The following ADGRL3 variants were observed in gnomAD, a reference collection of about 807,000 sequenced individuals.
ADGRL3 encodes calcium-independent alpha-latrotoxin receptor 3.
Under a neutral mutation model 153.5 loss-of-function variants are expected in ADGRL3, and 62 were observed. The observed-to-expected ratio is 0.40, with a 90% CI of 0.33 to 0.50. The LOEUF (loss-of-function observed/expected upper bound fraction) is 0.50. Among genes scored for constraint, ADGRL3 ranks in the 20% least tolerant of loss-of-function variants. ADGRL3 has a pLI of 0.47. For synonymous variants in ADGRL3, 710 were observed against 672.5 expected (o/e 1.06, Z -0.86); for missense variants, 1,641 against 1,859.4 (o/e 0.88, Z 2.16).
intron 1 of ADGRL3, among the ~76,000 whole-genome samples, chr4:61,280,268 C>T (rs1257738416): frequency 2.6e-5 from 4 of 151,656 alleles, no homozygotes; most frequent in African/African-American, 7.3e-5. Flanking sequence ...CGCCACCATG[C>T]CTGGCTAATT....
chr4:61,291,075 T>C (rs2094159950), intron 1 of ADGRL3, among the ~76,000 whole-genome samples: 2 of 151,950 alleles, frequency 1.3e-5, no homozygotes, highest in African/African-American at 4.8e-5. Flanking sequence ...TATGCCATTA[T>C]GGTTCCTTAT....
chr4:61,876,962 G>A (rs1046708566), intron 9 of ADGRL3, among the ~76,000 whole-genome samples: 2 of 150,966 alleles, frequency 1.3e-5, no homozygotes, highest in African/African-American at 4.9e-5. Context: ...GATGAGAAGG[G>A]ACCTTTTAAG....
intron 2 of ADGRL3, among the ~76,000 whole-genome samples, chr4:61,401,459 C>A (rs1006631111): frequency 6.6e-6 from 1 of 151,836 alleles, no homozygotes; most frequent in East Asian, 1.9e-4. Context: ...AAAACAAATA[C>A]GTTTCACACA....
chr4:61,805,216 A>G (rs1400224232), intron 8 of ADGRL3, among the ~76,000 whole-genome samples: 1 of 152,092 alleles, frequency 6.6e-6, no homozygotes, highest in Admixed American at 6.6e-5. Flanking sequence ...TGCTGGGATT[A>G]CAGGCATGAG....
chr4:61,237,464 G>A (rs984483743), intron 1 of ADGRL3, among the ~76,000 whole-genome samples: 20 of 152,112 alleles, frequency 1.3e-4, no homozygotes, highest in African/African-American at 4.3e-4. Flanking sequence ...TGACAGAAGA[G>A]ATCATCACAA....
intron 5 of ADGRL3, among the ~76,000 whole-genome samples, chr4:61,651,806 C>T (rs566002260): frequency 1.2e-3 from 179 of 143,732 alleles, no homozygotes; most frequent in African/African-American, 2.5e-3. Context: ...TTAGTAGAGA[C>T]GGGGTTTCAC....
chr4:61,328,170 T>C (rs776680817), intron 1 of ADGRL3, among the ~76,000 whole-genome samples: 11 of 152,152 alleles, frequency 7.2e-5, no homozygotes, highest in Non-Finnish European at 1.3e-4. Context: ...ATAACAGGCA[T>C]ACACTGTGAC....
chr4:61,780,547 C>T lies in ADGRL3; in HGVS notation c.1400-33262C>T, dbSNP rs527343000. ...CTTAAGGCAAAGGTTATGTTTCATA[C>T]TCAAAAATAGGAACAGGTAGAACTT... is the stretch of plus-strand genomic sequence containing the variant. On this transcript the variant is annotated intron_variant, in intron 8 of 26. Transcript: ENST00000683033. 7.9e-5 allele frequency among the ~76,000 whole-genome samples: 12 copies of T among 152,298 alleles called. No individual in the cohort carries two copies. The South Asian group carries it at 1.9e-3, about 24-fold the overall frequency.
intron 3 of ADGRL3, among the ~76,000 whole-genome samples, chr4:61,515,216 CA>C (rs1178529815): frequency 1.3e-5 from 2 of 152,080 alleles, no homozygotes; most frequent in Non-Finnish European, 2.9e-5. Context: ...TCAAACACAC[CA>C]AGGGATTTTA....
At chr4:61,616,061 G>A (rs2091967660) in intron 5 of ADGRL3, among the ~76,000 whole-genome samples, 1 of 152,134 alleles carries the variant, frequency 6.6e-6, no homozygotes, top group African/African-American at 2.4e-5. Context: ...TGAACATTAT[G>A]AGGAAATTAG....
In ADGRL3 at chr4:61,726,210, G is replaced by GTTTTTTTTTTTTTTTTTGTTTTT. The variant is rs149472429; in HGVS notation, c.584-4406_584-4405insTTTTTTTTTTTGTTTTTTTTTTT. 1.4e-3 allele frequency among the ~76,000 whole-genome samples: 160 copies of GTTTTTTTTTTTTTTTTTGTTTTT among 118,510 alleles called. 12 individuals are homozygous for GTTTTTTTTTTTTTTTTTGTTTTT. The highest frequency in any genetic ancestry group is 2.2e-3 in the Non-Finnish European group (126 of 58,130). 77.7% of individuals were successfully genotyped at this position (118,510 alleles called of 152,430 possible). On this transcript the variant is annotated intron_variant, in intron 6 of 26. Coordinates refer to ENST00000683033, the MANE Select transcript of ADGRL3 (RefSeq NM_001387552.1). ...AATACTCACTGGAACTTTTTTTTTT[G>GTTTTTTTTTTTTTTTTTGTTTTT]TTTTTTGAGAAGGAGTCTCACCCTG... is the stretch of plus-strand genomic sequence containing the variant.
chr4:61,771,004 T>C (rs1034228663), intron 8 of ADGRL3, among the ~76,000 whole-genome samples: 1 of 152,164 alleles, frequency 6.6e-6, no homozygotes, highest in Non-Finnish European at 1.5e-5. Context: ...GCAGAATTTA[T>C]TAAGCAAAAG....
chr4:61,499,845 A>T (rs1001888147), intron 3 of ADGRL3, among the ~76,000 whole-genome samples: 3 of 152,196 alleles, frequency 2.0e-5, no homozygotes, highest in Non-Finnish European at 4.4e-5. Context: ...TGTAAGAAAG[A>T]TTCCTTTTTC....
intron 9 of ADGRL3, among the ~76,000 whole-genome samples, chr4:61,879,613 A>G (rs1156905968): frequency 6.6e-6 from 1 of 152,158 alleles, no homozygotes; most frequent in Non-Finnish European, 1.5e-5. Flanking sequence ...CAGCTTAGGG[A>G]TGCTTCACAT....
At chr4:61,370,713 T>C (rs1256144800) in intron 1 of ADGRL3, among the ~76,000 whole-genome samples, 1 of 151,324 alleles carries the variant, frequency 6.6e-6, no homozygotes, top group Non-Finnish European at 1.5e-5. Flanking sequence ...TCTGTTGATT[T>C]GGGGTGGAGA....
chr4:61,516,446 C>T (rs1417843243), intron 3 of ADGRL3, among the ~76,000 whole-genome samples: 1 of 151,878 alleles, frequency 6.6e-6, no homozygotes, highest in Non-Finnish European at 1.5e-5. Flanking sequence ...CATTATCATT[C>T]CTATTTATTA....
At chr4:61,365,459 A>G (rs1299003441) in intron 1 of ADGRL3, among the ~76,000 whole-genome samples, 1 of 152,192 alleles carries the variant, frequency 6.6e-6, no homozygotes, top group East Asian at 1.9e-4. Context: ...GAATTAGATC[A>G]TTCATATATT....
intron 25 of ADGRL3, among the ~76,000 whole-genome samples, chr4:62,064,794 C>T (rs879184454): frequency 1.3e-5 from 2 of 151,802 alleles, no homozygotes; most frequent in Non-Finnish European, 2.9e-5. Flanking sequence ...GTGTCTAAAA[C>T]CATCTGAGCT....
chr4:61,743,155 T>C (rs58621029), intron 8 of ADGRL3, among the ~76,000 whole-genome samples: 13,100 of 151,286 alleles, frequency 0.087, 1,210 homozygotes, highest in African/African-American at 0.23. Context: ...CCCGTCTCTA[T>C]TAAAAATACG....
Sources: gnomAD v4.1 joint callset for allele counts (sites outside exome capture counted in the v4.1 genomes callset) on GRCh38, gnomAD v4.1.1 for gene constraint, MANE v1.5 for transcripts, NCBI Gene and HGNC (gene_info 2026-07-23, HGNC 2026-07-21) for gene names.